FRMD4A: variants seen among roughly 807,000 people sequenced by gnomAD.
The protein encoded by FRMD4A is FERM domain containing 4A.
FRMD4A carries 29 observed loss-of-function variants against 129.1 expected under a neutral mutation model. The observed-to-expected ratio is 0.22, with a 90% CI of 0.17 to 0.31. The LOEUF (loss-of-function observed/expected upper bound fraction) is 0.31, where lower values mean the gene tolerates loss of function less well. Among genes scored for constraint, FRMD4A ranks in the 10% least tolerant of loss-of-function variants. FRMD4A has a pLI of 1.00. For synonymous variants in FRMD4A, 634 were observed against 571.6 expected (o/e 1.11, Z -1.56); for missense variants, 1,272 against 1,375.8 (o/e 0.92, Z 1.19).
intron 2 of FRMD4A, among the ~76,000 whole-genome samples, chr10:14,133,847 C>T (rs1839394784): frequency 6.6e-6 from 1 of 152,188 alleles, no homozygotes; most frequent in South Asian, 2.1e-4. Flanking sequence ...CCTCTAACTC[C>T]ACCTCTGGAA....
intron 2 of FRMD4A, among the ~76,000 whole-genome samples, chr10:14,036,431 G>A (rs547209182): frequency 3.3e-5 from 5 of 152,150 alleles, no homozygotes; most frequent in African/African-American, 9.7e-5. Flanking sequence ...TAAACACCCC[G>A]CCTTCCTGTT....
intron 2 of FRMD4A, among the ~76,000 whole-genome samples, chr10:14,117,990 T>G (rs1474056859): frequency 6.6e-6 from 1 of 152,184 alleles, no homozygotes; most frequent in Admixed American, 6.5e-5. Flanking sequence ...ACCATTGTCT[T>G]TTCCTGGCTA....
intron 2 of FRMD4A, among the ~76,000 whole-genome samples, chr10:13,954,786 G>C (rs925496338): frequency 3.9e-5 from 6 of 152,152 alleles, no homozygotes; most frequent in African/African-American, 1.4e-4. Flanking sequence ...CACTGGCTTG[G>C]GTTCAAAACC....
intron 15 of FRMD4A, among the ~76,000 whole-genome samples, chr10:13,686,296 G>A (rs2085074540): frequency 6.6e-6 from 1 of 152,242 alleles, no homozygotes; most frequent in South Asian, 2.1e-4. Context: ...AGACAAAACC[G>A]AAAAACGTCG....
At chr10:13,918,026 G>A (rs370366614) in intron 2 of FRMD4A, among the ~76,000 whole-genome samples, 5 of 152,198 alleles carry the variant, frequency 3.3e-5, no homozygotes, top group African/African-American at 4.8e-5. Flanking sequence ...TTCCCAGTGC[G>A]GAGAATTCAG....
Position 13,815,872 on chromosome 10 carries a change from G to A in FRMD4A, c.112-4964C>T, listed in dbSNP as rs371292651. ...GCTTAACACACTGAAGAATTCACCAGAGTAATGGATACCACCATGGAAGCC... is the reference window on the plus strand; with the variant it reads ...GCTTAACACACTGAAGAATTCACCAAAGTAATGGATACCACCATGGAAGCC... On this transcript the variant is annotated intron_variant, in intron 3 of 24. Coordinates refer to ENST00000357447, the MANE Select transcript of FRMD4A (RefSeq NM_018027.5). Among the ~76,000 whole-genome samples the A allele has an allele frequency of 9.8e-5, 15 of 152,344 alleles. No homozygotes were observed. In the East Asian group the frequency reaches 2.5e-3, roughly 25 times the overall value.
chr10:14,200,500 C>G (rs1374032937), intron 2 of FRMD4A, among the ~76,000 whole-genome samples: 1 of 152,084 alleles, frequency 6.6e-6, no homozygotes, highest in African/African-American at 2.4e-5. Flanking sequence ...ACCATGTTGG[C>G]CAGGCTGATC....
chr10:14,143,174 G>T lies in FRMD4A; in HGVS notation c.45+186884C>A, dbSNP rs112077112. ...CTGAAAGCAAGGACTCGAAGAGATA[G>T]TTGTACGTCCATCATTGCAGCATTA... On this transcript the variant is annotated intron_variant, in intron 2 of 24. Transcript: ENST00000357447. Among the ~76,000 whole-genome samples the T allele has an allele frequency of 2.0e-3, 304 of 152,336 alleles. 1 individual carries two copies. Among genetic ancestry groups the T allele is most frequent in the African/African-American group, 6.9e-3 (289 of 41,588 alleles).
At chr10:13,799,049 G>A (rs2103322) in intron 4 of FRMD4A, among the ~76,000 whole-genome samples, 1 of 152,014 alleles carries the variant, frequency 6.6e-6, no homozygotes, top group Admixed American at 6.5e-5. Context: ...GGATGGGGGG[G>A]TCCTCCTCCG....
intron 2 of FRMD4A, among the ~76,000 whole-genome samples, chr10:13,901,490 A>T (rs1267441565): frequency 9.9e-5 from 15 of 151,948 alleles, no homozygotes; most frequent in Admixed American, 9.2e-4. Flanking sequence ...GGTGCCTATA[A>T]TCCCAGCTAC....
chr10:14,188,002 C>G (rs1046648227), intron 2 of FRMD4A, among the ~76,000 whole-genome samples: 1 of 152,152 alleles, frequency 6.6e-6, no homozygotes, highest in Non-Finnish European at 1.5e-5. Context: ...GAAGGTATCT[C>G]CACCTCCTTG....
intron 15 of FRMD4A, among the ~76,000 whole-genome samples, chr10:13,682,039 G>A (rs1157751780): frequency 6.6e-6 from 1 of 150,768 alleles, no homozygotes; most frequent in African/African-American, 2.4e-5. Flanking sequence ...GGGCAACATA[G>A]CCAGACCTTG....
intron 2 of FRMD4A, among the ~76,000 whole-genome samples, chr10:14,110,171 T>C: frequency 6.7e-6 from 1 of 148,220 alleles, no homozygotes; most frequent in Middle Eastern, 3.4e-3. Flanking sequence ...TTTTTAAGTG[T>C]TTTATCCATG....
At chr10:13,793,331 C>T (rs1037558495) in intron 5 of FRMD4A, among the ~76,000 whole-genome samples, 1 of 152,088 alleles carries the variant, frequency 6.6e-6, no homozygotes, top group Non-Finnish European at 1.5e-5. Flanking sequence ...ACCATCATTC[C>T]TAGCTAATTT....
intron 12 of FRMD4A, among the ~76,000 whole-genome samples, chr10:13,717,129 A>T (rs935536364): frequency 7.2e-5 from 11 of 152,164 alleles, no homozygotes; most frequent in African/African-American, 2.7e-4. Context: ...TCTGTGCTCC[A>T]GTCTTTCCTT....
chr10:13,695,399 C>T (rs987798092), intron 14 of FRMD4A, among the ~76,000 whole-genome samples: 2 of 152,166 alleles, frequency 1.3e-5, no homozygotes, highest in Non-Finnish European at 2.9e-5. Flanking sequence ...CTGCAGCCTC[C>T]CAAAGTGCTG....
intron 2 of FRMD4A, among the ~76,000 whole-genome samples, chr10:14,218,765 G>A (rs1843152551): frequency 6.6e-6 from 1 of 151,892 alleles, no homozygotes; most frequent in East Asian, 1.9e-4. Flanking sequence ...AATGAGCCTG[G>A]CCAACATGGT....
At chr10:14,035,604 T>C (rs539988850) in intron 2 of FRMD4A, among the ~76,000 whole-genome samples, 37 of 152,238 alleles carry the variant, frequency 2.4e-4, no homozygotes, top group African/African-American at 8.4e-4. Context: ...TCTGTATTTT[T>C]CTCCTGGGCT....
chr10:13,684,645 G>A (rs543937632), intron 15 of FRMD4A: 11 of 985,196 alleles, frequency 1.1e-5, no homozygotes, highest in African/African-American at 3.5e-5. Flanking sequence ...GGATATGAGC[G>A]CACATTCTGC....
Sources: gnomAD v4.1 joint callset for allele counts (sites outside exome capture counted in the v4.1 genomes callset) on GRCh38, gnomAD v4.1.1 for gene constraint, MANE v1.5 for transcripts, NCBI Gene and HGNC (gene_info 2026-07-23, HGNC 2026-07-21) for gene names.